The following PREX1 variants were observed in gnomAD, a reference collection of about 807,000 sequenced individuals.
PREX1 encodes phosphatidylinositol 3,4,5-trisphosphate-dependent Rac exchanger 1 protein.
Under a neutral mutation model 198.3 loss-of-function variants are expected in PREX1, and 41 were observed. The observed-to-expected ratio is 0.21, with a 90% CI of 0.16 to 0.27. The LOEUF (loss-of-function observed/expected upper bound fraction) is 0.27. PREX1 is among the 10% of genes least tolerant of loss of function. The probability of loss-of-function intolerance (pLI) is 1.00; values close to 1 mark genes in which losing one functional copy is unlikely to be tolerated. For synonymous variants in PREX1, 843 were observed against 887.2 expected, an observed-to-expected ratio of 0.95 and a Z score of 0.89; for missense variants, 1,620 against 2,200.7, an observed-to-expected ratio of 0.74 and a Z score of 5.28.
At chr20:48,810,153 T>A (rs983274001) in intron 1 of PREX1, among the ~76,000 whole-genome samples, 10 of 152,152 alleles carry the variant, frequency 6.6e-5, no homozygotes, top group African/African-American at 2.2e-4. Context: ...ACAGGAATAC[T>A]CTTCTCTTCC....
In PREX1 at chr20:48,653,508, C is replaced by G. The variant is rs1378309616; in HGVS notation, c.2210-11G>C. On this transcript the variant is annotated splice_polypyrimidine_tract_variant and intron_variant, in intron 19 of 39. Transcript: ENST00000371941. Reference sequence around the variant, plus strand: ...CCATGGCCTCAGAGCCTAAGGGGAACAGGAGCACATGAGGCTGGATGCCAG... The same window carrying G: ...CCATGGCCTCAGAGCCTAAGGGGAAGAGGAGCACATGAGGCTGGATGCCAG... The G allele has an allele frequency of 1.2e-6, 2 of 1,602,372 alleles. No homozygotes were observed. Among genetic ancestry groups the G allele is most frequent in the Admixed American group, 3.3e-5 (2 of 59,852 alleles).
chr20:48,847,513 G>A, the PREX1 span, among the ~76,000 whole-genome samples: 5 of 152,182 alleles, frequency 3.3e-5, no homozygotes, highest in African/African-American at 1.2e-4. Flanking sequence ...TGTGCATCAC[G>A]GAAACCTTGG....
At chr20:48,641,974 G>GAAAAA in intron 29 of PREX1, 194 bp downstream of exon 29, 2 of 508,446 alleles carry the variant, frequency 3.9e-6, no homozygotes, top group Non-Finnish European at 7.0e-6. Flanking sequence ...AAAAGAAAAA[G>GAAAAA]AACCATTCTT....
intron 1 of PREX1, among the ~76,000 whole-genome samples, chr20:48,780,186 C>A (rs1476310786): frequency 6.6e-6 from 1 of 152,082 alleles, no homozygotes; most frequent in Non-Finnish European, 1.5e-5. Flanking sequence ...TAACTACTGC[C>A]CAGATTAGGT....
intron 7 of PREX1, among the ~76,000 whole-genome samples, chr20:48,693,516 C>G (rs991699380): frequency 2.0e-5 from 3 of 152,244 alleles, no homozygotes; most frequent in African/African-American, 7.2e-5. Context: ...CCCTCGCCAG[C>G]ACCGAGTCTA....
chr20:48,655,224 T>C (rs1601048874), intron 19 of PREX1, 66 bp downstream of exon 19: 1 of 1,420,464 alleles, frequency 7.0e-7, no homozygotes, highest in South Asian at 1.3e-5. Flanking sequence ...GGCTCTGAAC[T>C]CCTGCCACAC....
chr20:48,633,494 A>C (rs2089332011), intron 33 of PREX1, among the ~76,000 whole-genome samples: 1 of 152,228 alleles, frequency 6.6e-6, no homozygotes, highest in Non-Finnish European at 1.5e-5. Context: ...AAAAACTGAG[A>C]AACACTAATC....
chr20:48,638,135 G>A (rs1247312491), intron 30 of PREX1, among the ~76,000 whole-genome samples: 1 of 151,996 alleles, frequency 6.6e-6, no homozygotes, highest in Non-Finnish European at 1.5e-5. Context: ...AGACACCCAA[G>A]TGCATGCCAC....
At chr20:48,843,644 C>T in the PREX1 span, among the ~76,000 whole-genome samples, 4 of 152,136 alleles carry the variant, frequency 2.6e-5, no homozygotes, top group Non-Finnish European at 5.9e-5. Context: ...GTTTGCTCAG[C>T]GTGGCATGGA....
At chr20:48,708,481 C>A in intron 5 of PREX1, 60 bp from the exon 6 acceptor site, 2 of 1,557,958 alleles carry the variant, frequency 1.3e-6, no homozygotes, top group Non-Finnish European at 1.8e-6. Flanking sequence ...AGAGGAGACC[C>A]AGGCCAGAGC....
upstream of PREX1, among the ~76,000 whole-genome samples, chr20:48,830,680 C>T (rs6095322): frequency 2.6e-4 from 39 of 152,326 alleles, 1 homozygote; most frequent in African/African-American, 8.9e-4. Flanking sequence ...TCTTTTTCCC[C>T]TTCCATCCCC....
intron 1 of PREX1, among the ~76,000 whole-genome samples, chr20:48,772,164 G>A (rs112581365): frequency 3.9e-5 from 6 of 152,122 alleles, no homozygotes; most frequent in Non-Finnish European, 7.4e-5. Flanking sequence ...ACTGCACTCC[G>A]GCCTGGCTGA....
At position 48,656,931 on chromosome 20, in the gene PREX1, C is replaced by A. The variant is rs372446784; in HGVS notation, c.2123+109G>T. 7.5e-5 allele frequency: 102 copies of A among 1,360,948 alleles called. 1 individual carries two copies. In the South Asian group the frequency reaches 1.4e-3, roughly 18 times the overall value. 84.3% of individuals were successfully genotyped at this position (1,360,948 alleles called of 1,614,324 possible). Reference sequence around the variant, plus strand: ...TCCAGCTTGTGTTGTGTGACTCCAACAATGGGTCCCAGCCACGGGGGACCA... The same window carrying A: ...TCCAGCTTGTGTTGTGTGACTCCAAAAATGGGTCCCAGCCACGGGGGACCA... On this transcript the variant is annotated intron_variant, in intron 18 of 39. Transcript: ENST00000371941.
intron 3 of PREX1, among the ~76,000 whole-genome samples, chr20:48,743,840 G>A (rs948577756): frequency 6.6e-6 from 1 of 152,192 alleles, no homozygotes; most frequent in Non-Finnish European, 1.5e-5. Flanking sequence ...AGAGTGGCTG[G>A]CCCTTGGCTG....
chr20:48,749,414 T>A (rs554810147), intron 1 of PREX1, among the ~76,000 whole-genome samples: 2 of 152,214 alleles, frequency 1.3e-5, no homozygotes, highest in South Asian at 4.1e-4. Context: ...GATTAAGACA[T>A]GGGCTGCAGG....
At chr20:48,738,172 A>C (rs888202206) in intron 3 of PREX1, among the ~76,000 whole-genome samples, 1 of 152,160 alleles carries the variant, frequency 6.6e-6, no homozygotes, top group Non-Finnish European at 1.5e-5. Flanking sequence ...AACCCCAGTC[A>C]CTGGGTAGTG....
intron 1 of PREX1, among the ~76,000 whole-genome samples, chr20:48,794,231 T>C (rs986314239): frequency 4.6e-5 from 7 of 152,066 alleles, no homozygotes; most frequent in Non-Finnish European, 8.8e-5. Flanking sequence ...CATTCTCAGA[T>C]GCAGGGACCA....
chr20:48,687,046 G>T (rs1335767176), intron 10 of PREX1, among the ~76,000 whole-genome samples: 1 of 152,094 alleles, frequency 6.6e-6, no homozygotes, highest in Non-Finnish European at 1.5e-5. Context: ...CCACTCAGAG[G>T]TCTCTGCCCC....
At chr20:48,842,802 G>T in the PREX1 span, among the ~76,000 whole-genome samples, 1 of 151,738 alleles carries the variant, frequency 6.6e-6, no homozygotes, top group Non-Finnish European at 1.5e-5. Flanking sequence ...CTTCTTGGGG[G>T]CCCCAGTTTT....
Sources: allele counts gnomAD v4.1 joint callset (sites outside exome capture counted in the v4.1 genomes callset), GRCh38; gene constraint gnomAD v4.1.1; transcripts MANE v1.5; gene names NCBI Gene and HGNC (gene_info 2026-07-23, HGNC 2026-07-21).